Variants in NDRG4 observed in about 807,000 individuals in gnomAD.
The protein encoded by NDRG4 is NDRG family member 4.
A neutral mutation model predicts 55.8 loss-of-function variants in NDRG4; 38 were observed. That is an observed-to-expected ratio of 0.68 (90% CI 0.53 to 0.89). The LOEUF (loss-of-function observed/expected upper bound fraction) is 0.89. Ranked by LOEUF, NDRG4 falls within the 40% of genes least tolerant of loss-of-function variation. The pLI is 0.00. For missense variants in NDRG4, 455 were observed against 468.6 expected, an observed-to-expected ratio of 0.97 and a Z score of 0.27; for synonymous variants, 190 against 182.7, an observed-to-expected ratio of 1.04 and a Z score of -0.32.
intron 10 of NDRG4, among the ~76,000 whole-genome samples, chr16:58,508,303 A>C (rs1171599931): frequency 6.6e-6 from 1 of 152,182 alleles, no homozygotes; most frequent in East Asian, 1.9e-4. Context: ...CCTCAGGCCC[A>C]GGGTGTACGA....
rs1270956797 is a variant in NDRG4 at position 58,464,260 on chromosome 16, GGAGCGCGGCGTTGGGGGCGGGA to G, written c.-24+470_-24+491del. Reference sequence around the variant, plus strand: ...ATTTTTTTAAACCGTTTTGGAGGGGGGAGCGCGGCGTTGGGGGCGGGAGAGCGCTCCTGGCTGTGAGCTGCTC... The same window carrying G: ...ATTTTTTTAAACCGTTTTGGAGGGGGGAGCGCTCCTGGCTGTGAGCTGCTC... On this transcript the variant is annotated intron_variant, in intron 1 of 15. Transcript: ENST00000258187. The surrounding 1 kb of genome is among the most constrained non-coding windows in gnomAD (Gnocchi z 4.8). The G allele has an allele frequency of 5.9e-5, 28 of 472,238 alleles. No individual in the cohort carries two copies. Among genetic ancestry groups the G allele is most frequent in the African/African-American group, 2.6e-4 (13 of 49,374 alleles). The allele number at this position is 472,238 out of a possible 1,614,324, so 29.3% of individuals were successfully genotyped here.
downstream of NDRG4, among the ~76,000 whole-genome samples, chr16:58,513,971 AAAAC>A (rs2039040388): frequency 6.6e-6 from 1 of 152,082 alleles, no homozygotes; most frequent in Non-Finnish European, 1.5e-5. Flanking sequence ...ATAAAACAAA[AAAAC>A]AAAATACAGC....
At chr16:58,502,021 G>A in intron 1 of NDRG4, 2 of 455,970 alleles carry the variant, frequency 4.4e-6, no homozygotes, top group South Asian at 3.1e-5. Context: ...TGAAAGGGCT[G>A]CCTGGTCAGG....
intron 1 of NDRG4, among the ~76,000 whole-genome samples, chr16:58,471,753 G>A (rs759159787): frequency 2.0e-5 from 3 of 152,136 alleles, no homozygotes; most frequent in Non-Finnish European, 4.4e-5. Flanking sequence ...ACCTGTTGGC[G>A]GGGGTGGTCG....
intron 2 of NDRG4, among the ~76,000 whole-genome samples, chr16:58,491,243 T>G (rs1347931845): frequency 6.6e-6 from 1 of 151,872 alleles, no homozygotes; most frequent in African/African-American, 2.4e-5. Flanking sequence ...ACCAGTGCAC[T>G]CCAGCCTGGG....
chr16:58,513,712 C>CTT (rs1555490555), downstream of NDRG4: 6 of 152,172 alleles, frequency 3.9e-5, no homozygotes, highest in Non-Finnish European at 8.8e-5. Context: ...AATCTCAGCA[C>CTT]TTTGGGAGGC....
At chr16:58,503,324 G>A (rs950903132) in intron 1 of NDRG4, among the ~76,000 whole-genome samples, 3 of 152,194 alleles carry the variant, frequency 2.0e-5, no homozygotes, top group East Asian at 1.9e-4. Flanking sequence ...GGGCAGTGCC[G>A]GGGTCGGGGC....
chr16:58,469,561 T>C (rs1440380076), intron 1 of NDRG4, among the ~76,000 whole-genome samples: 1 of 152,100 alleles, frequency 6.6e-6, no homozygotes, highest in African/African-American at 2.4e-5. Context: ...CTTCATTGTT[T>C]ATAGAAGCAA....
chr16:58,508,790 T>C (rs1384245772), intron 10 of NDRG4, among the ~76,000 whole-genome samples, 172 bp from the exon 11 acceptor site: 1 of 152,170 alleles, frequency 6.6e-6, no homozygotes, highest in Non-Finnish European at 1.5e-5. Flanking sequence ...TCCAAGAACA[T>C]GGGGAGCCCT....
At chr16:58,506,268 T>C in intron 5 of NDRG4, 119 bp from the exon 6 acceptor site, 1 of 940,678 alleles carries the variant, frequency 1.1e-6, no homozygotes. Flanking sequence ...TGGGTGTGCA[T>C]GCACAGACCC....
chr16:58,477,543 A>G (rs1402440414), intron 1 of NDRG4, among the ~76,000 whole-genome samples: 2 of 152,244 alleles, frequency 1.3e-5, no homozygotes, highest in Non-Finnish European at 2.9e-5. Context: ...ACAGGGTAAA[A>G]TAAATATCCA....
intron 1 of NDRG4, among the ~76,000 whole-genome samples, chr16:58,469,255 A>G (rs2032317960): frequency 6.6e-6 from 1 of 152,080 alleles, no homozygotes; most frequent in Non-Finnish European, 1.5e-5. Flanking sequence ...TTTCCAGTTC[A>G]TCTGCTTCTC....
At chr16:58,484,483 A>G (rs1036528076) in intron 1 of NDRG4, among the ~76,000 whole-genome samples, 24 of 152,242 alleles carry the variant, frequency 1.6e-4, no homozygotes, top group African/African-American at 5.8e-4. Context: ...GCTCAAAATA[A>G]AGCAAGCTGT....
intron 3 of NDRG4, chr16:58,495,061 C>T (rs2036244675): frequency 1.3e-6 from 2 of 1,583,390 alleles, no homozygotes; most frequent in Admixed American, 1.7e-5. Context: ...GGCAGCCCCT[C>T]ACCCCACCTG....
At chr16:58,495,706 A>G (rs2036316180), upstream of NDRG4, among the ~76,000 whole-genome samples, 1 of 152,180 alleles carries the variant, frequency 6.6e-6, no homozygotes, top group Non-Finnish European at 1.5e-5. Flanking sequence ...CCCCAGTGGG[A>G]GCAACGCGAG....
intron 1 of NDRG4, among the ~76,000 whole-genome samples, chr16:58,466,626 C>A (rs2031740741): frequency 6.6e-6 from 1 of 152,210 alleles, no homozygotes; most frequent in African/African-American, 2.4e-5. Flanking sequence ...CCCCATTGTA[C>A]CTGCAACCTG....
chr16:58,506,169 T>TGG (rs745949486), intron 5 of NDRG4: 2 of 672,870 alleles, frequency 3.0e-6, no homozygotes, highest in Non-Finnish European at 5.4e-6. Context: ...TGTGTGTGTG[T>TGG]AGGGGTGGAA....
At chr16:58,487,942 T>G in intron 2 of NDRG4, 2 of 979,904 alleles carry the variant, frequency 2.0e-6, no homozygotes, top group Non-Finnish European at 2.9e-6. Flanking sequence ...CAGCCGACCC[T>G]CCCTAGGGCC....
At chr16:58,482,036 A>G (rs1415335967) in intron 1 of NDRG4, among the ~76,000 whole-genome samples, 2 of 151,838 alleles carry the variant, frequency 1.3e-5, no homozygotes, top group African/African-American at 2.4e-5. Flanking sequence ...CTCTGATCCA[A>G]GCAGTAGGGA....
Sources: allele counts gnomAD v4.1 joint callset (sites outside exome capture counted in the v4.1 genomes callset), GRCh38; gene constraint gnomAD v4.1.1; non-coding constraint Gnocchi (gnomAD v3.1); transcripts MANE v1.5; gene names NCBI Gene and HGNC (gene_info 2026-07-23, HGNC 2026-07-21).